The following CNTLN variants were observed in gnomAD, a reference collection of about 807,000 sequenced individuals.
CNTLN encodes the protein centlein, centrosomal protein.
In CNTLN, 212 loss-of-function variants were observed where a neutral mutation model predicts 180.0. The ratio of observed to expected loss-of-function variants is 1.18; its 90% CI spans 1.05 to 1.32. CNTLN has a LOEUF of 1.32. Ranked by LOEUF, CNTLN falls within the 40% of genes most tolerant of loss-of-function variation. The probability of loss-of-function intolerance (pLI) is 0.00; values close to 1 mark genes in which losing one functional copy is unlikely to be tolerated. For missense variants in CNTLN, 2,095 were observed against 1,610.9 expected (o/e 1.30, Z -5.14); for synonymous variants, 722 against 563.1 (o/e 1.28, Z -3.99).
intron 18 of CNTLN, among the ~76,000 whole-genome samples, chr9:17,456,905 T>C (rs919097417): frequency 1.4e-4 from 21 of 152,156 alleles, no homozygotes; most frequent in Non-Finnish European, 2.5e-4. Context: ...TTTATGCTAT[T>C]AAAAATTCAA....
At chr9:17,174,109 A>G (rs772472525) in intron 2 of CNTLN, among the ~76,000 whole-genome samples, 2 of 152,214 alleles carry the variant, frequency 1.3e-5, no homozygotes, top group African/African-American at 2.4e-5. Flanking sequence ...ACTTTTTAGT[A>G]TAGGCTTTTC....
rs769246013 is a variant in CNTLN at position 17,486,964 on chromosome 9, C to A, written c.4042-25C>A. The A allele has an allele frequency of 3.0e-5, 38 of 1,279,718 alleles. No homozygotes were observed. The East Asian group carries it at 8.8e-4, about 30-fold the overall frequency. 79.3% of individuals were successfully genotyped at this position (1,279,718 alleles called of 1,614,324 possible). A position where few individuals can be genotyped will look rare whatever the true frequency, so the allele number is the denominator to read the frequency against. On this transcript the variant is annotated intron_variant, in intron 24 of 25. Coordinates refer to ENST00000380647, the MANE Select transcript of CNTLN (RefSeq NM_017738.4). ...AAGTTCATATAAATTTCGTTAACAC[C>A]AGTGTTTTTATTTTTTTTCTTCAGG...
At chr9:17,434,040 C>G (rs910496480) in intron 18 of CNTLN, among the ~76,000 whole-genome samples, 4 of 152,094 alleles carry the variant, frequency 2.6e-5, no homozygotes, top group African/African-American at 9.7e-5. Context: ...GGGGTAAACT[C>G]TACTTAATGA....
chr9:17,143,083 A>G (rs1818217360), intron 1 of CNTLN, among the ~76,000 whole-genome samples: 1 of 152,258 alleles, frequency 6.6e-6, no homozygotes, highest in African/African-American at 2.4e-5. Flanking sequence ...AATATAGGTG[A>G]TAGAAATAGT....
intron 16 of CNTLN, among the ~76,000 whole-genome samples, chr9:17,410,580 A>G (rs1159066218): frequency 6.6e-6 from 1 of 152,122 alleles, no homozygotes; most frequent in East Asian, 1.9e-4. Flanking sequence ...TATGAATAGC[A>G]CATTTTGTGT....
intron 3 of CNTLN, among the ~76,000 whole-genome samples, chr9:17,227,975 C>T (rs998519334): frequency 6.6e-6 from 1 of 151,948 alleles, no homozygotes; most frequent in Admixed American, 6.6e-5. Flanking sequence ...ACCTTATGAG[C>T]CAGACATGGC....
intron 5 of CNTLN, among the ~76,000 whole-genome samples, chr9:17,257,436 T>C (rs1263490578): frequency 6.6e-6 from 1 of 152,090 alleles, no homozygotes; most frequent in East Asian, 1.9e-4. Context: ...GCAGTAAACA[T>C]AGGTGTGCAT....
intron 2 of CNTLN, among the ~76,000 whole-genome samples, chr9:17,219,628 T>A (rs1373518513): frequency 6.6e-6 from 1 of 152,152 alleles, no homozygotes; most frequent in African/African-American, 2.4e-5. Context: ...TTCAATATTA[T>A]GTCACTCAGA....
At chr9:17,259,148 A>G (rs1035956228) in intron 5 of CNTLN, among the ~76,000 whole-genome samples, 2 of 147,496 alleles carry the variant, frequency 1.4e-5, no homozygotes, top group African/African-American at 5.2e-5. Flanking sequence ...AATACGTCCC[A>G]TCAATACCTA....
chr9:17,427,448 T>C (rs1369413742), intron 18 of CNTLN, among the ~76,000 whole-genome samples: 1 of 152,144 alleles, frequency 6.6e-6, no homozygotes, highest in Non-Finnish European at 1.5e-5. Flanking sequence ...AAATATGATA[T>C]CAAAGATTGA....
intron 7 of CNTLN, among the ~76,000 whole-genome samples, chr9:17,308,578 C>A (rs1295390692): frequency 6.6e-6 from 1 of 151,948 alleles, no homozygotes; most frequent in East Asian, 1.9e-4. Context: ...AACTGATATA[C>A]CTTGTGCTCC....
At chr9:17,227,039 A>G (rs1366027333) in intron 3 of CNTLN, among the ~76,000 whole-genome samples, 1 of 151,886 alleles carries the variant, frequency 6.6e-6, no homozygotes, top group East Asian at 1.9e-4. Context: ...TCGGTGATCT[A>G]GAACTAGAAT....
intron 8 of CNTLN, among the ~76,000 whole-genome samples, chr9:17,327,837 C>G (rs977878048): frequency 6.6e-6 from 1 of 151,886 alleles, no homozygotes. Flanking sequence ...CCTGTAATCC[C>G]AGCTACTCAG....
intron 20 of CNTLN, 86 bp downstream of exon 20, chr9:17,463,099 T>C: frequency 1.4e-6 from 1 of 725,966 alleles, no homozygotes; most frequent in Non-Finnish European, 2.3e-6. Context: ...AAACTGCTAA[T>C]GTTTACGTTT....
At chr9:17,437,165 G>A (rs1829827401) in intron 18 of CNTLN, among the ~76,000 whole-genome samples, 3 of 152,196 alleles carry the variant, frequency 2.0e-5, no homozygotes, top group Admixed American at 6.5e-5. Flanking sequence ...GAGAATCCAT[G>A]TGGAATTGGA....
intron 12 of CNTLN, among the ~76,000 whole-genome samples, chr9:17,347,098 G>A (rs1347662074): frequency 6.6e-6 from 1 of 152,096 alleles, no homozygotes; most frequent in Non-Finnish European, 1.5e-5. Context: ...TTTGCTTAGA[G>A]TTTCTATTTA....
At chr9:17,498,990 A>C (rs1415042662) in intron 25 of CNTLN, among the ~76,000 whole-genome samples, 1 of 152,198 alleles carries the variant, frequency 6.6e-6, no homozygotes, top group African/African-American at 2.4e-5. Context: ...AATATAATTA[A>C]CTATAAACTC....
At chr9:17,418,009 A>C (rs2133900032) in intron 18 of CNTLN, among the ~76,000 whole-genome samples, 1 of 152,120 alleles carries the variant, frequency 6.6e-6, no homozygotes, top group South Asian at 2.1e-4. Flanking sequence ...TTCTCCCTGA[A>C]GTTACCCTCA....
chr9:17,466,730 T>A lies in CNTLN; in HGVS notation c.3694T>A (p.Ser1232Thr). ...GGATCTCAAGCTTACTCTCCTAGTATCAAGAATAAGTGAGACTGAATCTGC... is the reference window on the plus strand; with the variant it reads ...GGATCTCAAGCTTACTCTCCTAGTAACAAGAATAAGTGAGACTGAATCTGC... ...KKDLKLTLLV[S>T]RISETESAMA... The change falls in exon 23 of 26, where the codon TCA (serine) becomes ACA (threonine). Residue 1232 changes from serine to threonine, a missense_variant. Transcript: ENST00000380647. The A allele has an allele frequency of 6.2e-7, 1 of 1,609,744 alleles. No homozygotes were observed. The highest frequency in any genetic ancestry group is 1.1e-5 in the South Asian group (1 of 90,794).
Sources: allele counts gnomAD v4.1 joint callset (sites outside exome capture counted in the v4.1 genomes callset), GRCh38; gene constraint gnomAD v4.1.1; transcripts MANE v1.5; gene names NCBI Gene and HGNC (gene_info 2026-07-23, HGNC 2026-07-21).